MGAM2: variants seen among roughly 807,000 people sequenced by gnomAD.
MGAM2 encodes probable maltase-glucoamylase 2.
Under a neutral mutation model 96.1 loss-of-function variants are expected in MGAM2, and 98 were observed. That is an observed-to-expected ratio of 1.02 (90% CI 0.87 to 1.21). The LOEUF is 1.21. Among genes scored for constraint, MGAM2 ranks in the 50% most tolerant of loss-of-function variants. The probability of loss-of-function intolerance (pLI) is 0.00; values close to 1 mark genes in which losing one functional copy is unlikely to be tolerated. For synonymous variants in MGAM2, 749 were observed against 414.8 expected (o/e 1.81, Z -9.79); for missense variants, 2,055 against 1,182.4 (o/e 1.74, Z -10.82).
At chr7:142,181,996 T>C (rs900032445) in intron 32 of MGAM2, among the ~76,000 whole-genome samples, 2 of 152,076 alleles carry the variant, frequency 1.3e-5, no homozygotes, top group African/African-American at 4.8e-5. Flanking sequence ...GCTATGGAGC[T>C]CCCTTGGGCA....
intron 14 of MGAM2, among the ~76,000 whole-genome samples, chr7:142,147,118 C>T (rs555931735): frequency 6.6e-5 from 10 of 152,302 alleles, no homozygotes; most frequent in African/African-American, 9.6e-5. Context: ...CTCAATTTCT[C>T]TTGATTAAAT....
intron 2 of MGAM2, among the ~76,000 whole-genome samples, chr7:142,118,180 C>T (rs1817482720): frequency 6.6e-6 from 1 of 152,052 alleles, no homozygotes; most frequent in African/African-American, 2.4e-5. Context: ...CCTCTTCCCC[C>T]TAACTCCTGA....
chr7:142,143,400 A>T (rs1345631095), intron 12 of MGAM2, among the ~76,000 whole-genome samples: 1 of 152,236 alleles, frequency 6.6e-6, no homozygotes, highest in Non-Finnish European at 1.5e-5. Context: ...AGTAGACTTT[A>T]TGTGACCTTT....
rs146120852 is a variant in MGAM2, at chr7:142,219,190, C to T, written c.5358+659C>T. 3.6e-4 allele frequency among the ~76,000 whole-genome samples: 55 copies of T among 152,132 alleles called. No homozygotes were observed. In the East Asian group the frequency reaches 3.7e-3, roughly 10 times the overall value. On this transcript the variant is annotated intron_variant, in intron 47 of 47. Transcript: ENST00000477922. ...TTTAGAACATAAGACAACATAAATA[C>T]GGAACCAGCAACCCAAAAGGGATGG...
chr7:142,172,551 T>C, intron 29 of MGAM2, 101 bp from the exon 30 acceptor site: 1 of 591,986 alleles, frequency 1.7e-6, no homozygotes, highest in Non-Finnish European at 3.0e-6. Flanking sequence ...AAGGCATGTA[T>C]CAAAGACAGA....
At chr7:142,176,827 T>C (rs1796392640) in intron 32 of MGAM2, among the ~76,000 whole-genome samples, 2 of 152,292 alleles carry the variant, frequency 1.3e-5, no homozygotes, top group East Asian at 3.9e-4. Context: ...TTCCAAACAC[T>C]AGCAAAAGTT....
rs1038631171 is a variant in MGAM2, at chr7:142,221,481, T to A, written c.6970T>A (p.Phe2324Ile). Residue 2324 changes from phenylalanine to isoleucine, a missense_variant, in exon 48 of 48, where the codon TTC becomes ATC. Coordinates refer to ENST00000477922, the MANE Select transcript of MGAM2 (RefSeq NM_001293626.2). The part of the protein sequence containing the change: ...ILSMFPTSNT[F>I]TTDKITNFTT... Reference sequence around the variant, plus strand: ...GAGCATGTTTCCAACAAGTAATACATTCACTACTGATAAAATTACTAATTT... The same window carrying A: ...GAGCATGTTTCCAACAAGTAATACAATCACTACTGATAAAATTACTAATTT... 5.3e-5 allele frequency: 30 copies of A among 560,912 alleles called. No individual in the cohort carries two copies. Among genetic ancestry groups the A allele is most frequent in the African/African-American group, 3.7e-4 (20 of 53,348 alleles). The allele number at this position is 560,912 out of a possible 1,614,324, so 34.7% of individuals were successfully genotyped here. A position where few individuals can be genotyped will look rare whatever the true frequency, so the allele number is the denominator to read the frequency against.
chr7:142,195,180 C>T (rs184495977), intron 37 of MGAM2, among the ~76,000 whole-genome samples: 9 of 151,754 alleles, frequency 5.9e-5, no homozygotes, highest in Non-Finnish European at 1.2e-4. Context: ...TACAGACACA[C>T]GTGCACCACC....
intron 27 of MGAM2, 70 bp from the exon 28 acceptor site, chr7:142,171,202 A>G (rs529221994): frequency 2.1e-5 from 15 of 700,056 alleles, no homozygotes; most frequent in Non-Finnish European, 3.7e-5. Context: ...TCAACTAGAC[A>G]TTCCAAACAC....
intron 15 of MGAM2, among the ~76,000 whole-genome samples, chr7:142,153,247 G>T (rs1165559127): frequency 1.3e-5 from 2 of 152,066 alleles, no homozygotes; most frequent in Admixed American, 1.3e-4. Flanking sequence ...TGATCCACCC[G>T]CCTCAGCCTC....
intron 1 of MGAM2, among the ~76,000 whole-genome samples, chr7:142,114,161 A>AGAAAGAAG (rs1491118509): frequency 1.6e-4 from 15 of 95,782 alleles, no homozygotes; most frequent in Non-Finnish European, 2.6e-4. Flanking sequence ...AAGGAAAGAA[A>AGAAAGAAG]GAAAGAAAGA....
At position 142,220,715 on chromosome 7, in the gene MGAM2, T is replaced by A. The variant is rs1441590928; in HGVS notation, c.6204T>A (p.Asn2068Lys). The A allele has an allele frequency of 1.4e-6, 1 of 702,154 alleles. No individual in the cohort carries two copies. The highest frequency in any genetic ancestry group is 2.6e-6 in the Non-Finnish European group (1 of 384,836). 43.5% of individuals were successfully genotyped at this position (702,154 alleles called of 1,614,324 possible). A position where few individuals can be genotyped will look rare whatever the true frequency, so the allele number is the denominator to read the frequency against. ...TTACAACCACACCTTCCCCTACAAA[T>A]ACTGCTGATGCTAACACTAGTAATA... ...VPITTTPSPT[N>K]TADANTSNTV... The change falls in exon 48 of 48, where the codon AAT becomes AAA. Residue 2068 changes from asparagine to lysine, a missense_variant. Asn to Lys is a moderately conservative substitution (Grantham distance 94). Transcript: ENST00000477922.
In MGAM2 at chr7:142,197,744, T is replaced by C. The variant is rs1797095069; in HGVS notation, c.4866+16T>C. On this transcript the variant is annotated intron_variant, in intron 42 of 47. Coordinates refer to ENST00000477922, the MANE Select transcript of MGAM2 (RefSeq NM_001293626.2). ...GTTGGAAACTGTGAGTTCTTCATTG[T>C]AGGTCAGAAAACCTTCAATCACATG... The C allele has an allele frequency of 1.4e-6, 1 of 702,882 alleles. No homozygotes were observed. Among genetic ancestry groups the C allele is most frequent in the African/African-American group, 1.7e-5 (1 of 57,260 alleles). The allele number at this position is 702,882 out of a possible 1,614,324, so 43.5% of individuals were successfully genotyped here. A position where few individuals can be genotyped will look rare whatever the true frequency, so the allele number is the denominator to read the frequency against.
chr7:142,180,670 C>G (rs1050738879), intron 32 of MGAM2, among the ~76,000 whole-genome samples: 1 of 152,078 alleles, frequency 6.6e-6, no homozygotes, highest in African/African-American at 2.4e-5. Context: ...CTCAGGAATG[C>G]CAATGAGTCA....
rs1795453297 is a variant in MGAM2, at chr7:142,148,377, C to T, written c.1634+804C>T. Among the ~76,000 whole-genome samples, 1 of 151,900 alleles carries T rather than the reference C, an allele frequency of 6.6e-6. No homozygotes were observed. Among genetic ancestry groups the T allele is most frequent in the Admixed American group, 6.6e-5 (1 of 15,234 alleles). ...ACCACCACCACTACCATGACCACCA[C>T]CACCATCCCTACCACCACCATCACC... On this transcript the variant is annotated intron_variant, in intron 15 of 47. Coordinates refer to ENST00000477922, the MANE Select transcript of MGAM2 (RefSeq NM_001293626.2). This position sits in a 1 kb window ranked among gnomAD's most constrained non-coding sequence, Gnocchi z 4.2.
chr7:142,151,577 C>G (rs1795579422), intron 15 of MGAM2, among the ~76,000 whole-genome samples: 1 of 152,032 alleles, frequency 6.6e-6, no homozygotes, highest in African/African-American at 2.4e-5. Flanking sequence ...TTAGATGCTT[C>G]TATCTAAGAA....
chr7:142,172,844 G>C (rs910473702), intron 30 of MGAM2, 80 bp downstream of exon 30: 35 of 593,388 alleles, frequency 5.9e-5, no homozygotes, highest in Non-Finnish European at 9.6e-5. Context: ...AGATAGGGCA[G>C]TTTTTTCTTT....
At chr7:142,115,014 G>A (rs1392337734) in intron 1 of MGAM2, among the ~76,000 whole-genome samples, 5 of 152,020 alleles carry the variant, frequency 3.3e-5, no homozygotes, top group East Asian at 3.9e-4. Flanking sequence ...TCAGGAGTTC[G>A]AGACTAGCCT....
At position 142,137,562 on chromosome 7, in the gene MGAM2, A is replaced by T; in HGVS notation, c.960+17A>T. ...TACTTGGAGGTATGTCTTTGCATTT[A>T]GATAGTCATTATTTACTGCTGTTAT... On this transcript the variant is annotated intron_variant, in intron 9 of 47. Transcript: ENST00000477922. 2.9e-6 allele frequency: 2 copies of T among 688,016 alleles called. No individual in the cohort carries two copies. Among genetic ancestry groups the T allele is most frequent in the Non-Finnish European group, 2.6e-6 (1 of 378,912 alleles). 42.6% of individuals were successfully genotyped at this position (688,016 alleles called of 1,614,324 possible).
Sources: allele counts gnomAD v4.1 joint callset (sites outside exome capture counted in the v4.1 genomes callset), GRCh38; gene constraint gnomAD v4.1.1; non-coding constraint Gnocchi (gnomAD v3.1); transcripts MANE v1.5; gene names NCBI Gene and HGNC (gene_info 2026-07-23, HGNC 2026-07-21).